CACNA2D3: variants seen among roughly 807,000 people sequenced by gnomAD.
The protein encoded by CACNA2D3 is voltage-dependent calcium channel subunit alpha-2/delta-3.
A neutral mutation model predicts 160.6 loss-of-function variants in CACNA2D3; 60 were observed. That is an observed-to-expected ratio of 0.37 (90% CI 0.30 to 0.46). The LOEUF is 0.46. CACNA2D3 is among the 20% of genes least tolerant of loss of function. The probability of loss-of-function intolerance (pLI) is 1.00; values close to 1 mark genes in which losing one functional copy is unlikely to be tolerated. For synonymous variants in CACNA2D3, 558 were observed against 492.9 expected (o/e 1.13, Z -1.75); for missense variants, 1,205 against 1,365.0 (o/e 0.88, Z 1.85).
chr3:54,330,157 G>A (rs1370416446), intron 3 of CACNA2D3, among the ~76,000 whole-genome samples: 1 of 151,788 alleles, frequency 6.6e-6, no homozygotes, highest in Admixed American at 6.6e-5. Flanking sequence ...GCAAGGCTTT[G>A]TACTATCAGG....
At chr3:54,995,668 C>T (rs991094399) in intron 31 of CACNA2D3, among the ~76,000 whole-genome samples, 1 of 152,154 alleles carries the variant, frequency 6.6e-6, no homozygotes, top group African/African-American at 2.4e-5. Context: ...AAGCAGCCTC[C>T]CATACAATAC....
At chr3:54,552,966 T>C (rs1702183941) in intron 5 of CACNA2D3, among the ~76,000 whole-genome samples, 1 of 152,196 alleles carries the variant, frequency 6.6e-6, no homozygotes, top group Admixed American at 6.5e-5. Context: ...AAGTGTAGCA[T>C]ACCAAGGCAA....
chr3:55,012,196 C>CA (rs1459035911), intron 34 of CACNA2D3, among the ~76,000 whole-genome samples: 2 of 152,082 alleles, frequency 1.3e-5, no homozygotes, highest in African/African-American at 4.8e-5. Context: ...ACAGAGGAAA[C>CA]AATAGACATA....
At chr3:54,965,843 G>C (rs1299768588) in intron 27 of CACNA2D3, among the ~76,000 whole-genome samples, 1 of 152,138 alleles carries the variant, frequency 6.6e-6, no homozygotes, top group Non-Finnish European at 1.5e-5. Flanking sequence ...ACCTCATGGT[G>C]CAGGCAGGGG....
chr3:54,167,506 G>C, intron 2 of CACNA2D3, among the ~76,000 whole-genome samples: 1 of 152,310 alleles, frequency 6.6e-6, no homozygotes, highest in Non-Finnish European at 1.5e-5. Flanking sequence ...GAGATAATGT[G>C]TCCAACTTGA....
At chr3:54,208,791 G>T (rs1381979256) in intron 2 of CACNA2D3, among the ~76,000 whole-genome samples, 1 of 152,024 alleles carries the variant, frequency 6.6e-6, no homozygotes, top group East Asian at 1.9e-4. Context: ...TGAGAATGTG[G>T]TGAGGAGGTA....
intron 11 of CACNA2D3, among the ~76,000 whole-genome samples, chr3:54,713,779 G>C (rs1700998418): frequency 2.6e-5 from 4 of 152,188 alleles, no homozygotes; most frequent in Admixed American, 2.6e-4. Flanking sequence ...TCTCCTGCCT[G>C]GCTGGGGCTA....
chr3:54,999,164 C>T (rs2107129263), intron 31 of CACNA2D3, among the ~76,000 whole-genome samples: 2 of 152,276 alleles, frequency 1.3e-5, no homozygotes, highest in South Asian at 4.1e-4. Context: ...AGAACAGTGC[C>T]ATCTCTGCAA....
At chr3:54,748,044 C>T (rs1195563731) in intron 11 of CACNA2D3, among the ~76,000 whole-genome samples, 3 of 152,204 alleles carry the variant, frequency 2.0e-5, no homozygotes, top group Non-Finnish European at 4.4e-5. Flanking sequence ...AGCCCTGGCA[C>T]CAAGAATGGT....
At chr3:55,004,968 A>C (rs1575431656) in intron 32 of CACNA2D3, 130 bp downstream of exon 32, 2 of 605,872 alleles carry the variant, frequency 3.3e-6, no homozygotes, top group Non-Finnish European at 2.8e-6. Flanking sequence ...GACTTTACTC[A>C]CTTAAAAAAA....
In CACNA2D3 at chr3:55,073,817, G is replaced by A. The variant is rs771814725; in HGVS notation, c.3141G>A (p.Lys1047=). 6.2e-7 allele frequency: 1 copy of A among 1,613,856 alleles called. No individual in the cohort carries two copies. The highest frequency in any genetic ancestry group is 8.5e-7 in the Non-Finnish European group (1 of 1,179,800). ...SLKCERLKAQ[K]IRRRPESCHG... ...AGTGTGAACGTCTAAAGGCCCAGAA[G>A]ATCAGAAGGCGCCCAGAATCTTGTC... is the stretch of plus-strand genomic sequence containing the variant. Residue 1047 remains lysine (K), a synonymous_variant, in exon 37 of 38, where the codon AAG becomes AAA. Coordinates refer to ENST00000474759, the MANE Select transcript of CACNA2D3 (RefSeq NM_018398.3).
intron 35 of CACNA2D3, among the ~76,000 whole-genome samples, chr3:55,034,085 G>A (rs1033848316): frequency 3.3e-5 from 5 of 151,164 alleles, no homozygotes; most frequent in African/African-American, 1.2e-4. Context: ...GAATTGATGA[G>A]TCAAAGGGTA....
chr3:54,774,391 G>C (rs185959070), intron 13 of CACNA2D3, among the ~76,000 whole-genome samples: 320 of 152,224 alleles, frequency 2.1e-3, no homozygotes, highest in Non-Finnish European at 3.0e-3. Context: ...GACTGGAGCA[G>C]GAGGAAGAGA....
At chr3:55,007,914 A>G in intron 33 of CACNA2D3, 72 bp downstream of exon 33, 1 of 1,004,694 alleles carries the variant, frequency 1.0e-6, no homozygotes, top group South Asian at 1.7e-5. Flanking sequence ...GTGATCTAAG[A>G]GATTGTGAGT....
chr3:54,575,029 T>A (rs1410143727), intron 8 of CACNA2D3, among the ~76,000 whole-genome samples: 1 of 152,262 alleles, frequency 6.6e-6, no homozygotes, highest in East Asian at 1.9e-4. Context: ...TTTCTTTCAG[T>A]GCTCATTTGT....
intron 2 of CACNA2D3, among the ~76,000 whole-genome samples, chr3:54,241,283 G>C (rs4928022): frequency 0.56 from 84,435 of 152,034 alleles, 24,191 homozygotes; most frequent in Middle Eastern, 0.67. Context: ...GGCTCCCTGC[G>C]TGTTGGGCAC....
intron 2 of CACNA2D3, among the ~76,000 whole-genome samples, chr3:54,243,665 C>T (rs145183740): frequency 5.9e-5 from 9 of 152,184 alleles, no homozygotes; most frequent in Non-Finnish European, 5.9e-5. Context: ...ACAAAATGTC[C>T]CCTCCCTGCT....
At chr3:55,033,888 AG>A (rs1703756953) in intron 35 of CACNA2D3, among the ~76,000 whole-genome samples, 3 of 127,128 alleles carry the variant, frequency 2.4e-5, no homozygotes, top group Non-Finnish European at 3.2e-5. Flanking sequence ...TTACATATTA[AG>A]TATATTTAAT....
At chr3:54,375,163 A>G (rs1698990369) in intron 3 of CACNA2D3, among the ~76,000 whole-genome samples, 1 of 152,088 alleles carries the variant, frequency 6.6e-6, no homozygotes, top group African/African-American at 2.4e-5. Context: ...AGCCTGGTCT[A>G]GTTGCTCCCT....
Sources: gnomAD v4.1 joint callset for allele counts (sites outside exome capture counted in the v4.1 genomes callset) on GRCh38, gnomAD v4.1.1 for gene constraint, MANE v1.5 for transcripts, NCBI Gene and HGNC (gene_info 2026-07-23, HGNC 2026-07-21) for gene names.